Variants in TECR observed in about 807,000 individuals in gnomAD.
TECR encodes the protein trans-2,3-enoyl-CoA reductase.
In TECR, 19 loss-of-function variants were observed where a neutral mutation model predicts 50.6. The observed-to-expected ratio is 0.38, with a 90% confidence interval of 0.26 to 0.55. The LOEUF is 0.55. TECR is among the 20% of genes least tolerant of loss of function. TECR has a pLI of 0.79. For synonymous variants in TECR, 168 were observed against 163.5 expected (o/e 1.03, Z -0.21); for missense variants, 313 against 408.3 (o/e 0.77, Z 2.01).
At chr19:14,556,241 C>T (rs1325412021) in intron 1 of TECR, among the ~76,000 whole-genome samples, 3 of 152,094 alleles carry the variant, frequency 2.0e-5, no homozygotes, top group Non-Finnish European at 4.4e-5. Context: ...TTACTGTTCC[C>T]TCTGCCTGGA....
At chr19:14,533,098 C>A (rs151111730) in intron 1 of TECR, among the ~76,000 whole-genome samples, 1 of 140,472 alleles carries the variant, frequency 7.1e-6, no homozygotes, top group Non-Finnish European at 1.5e-5. Context: ...GGTGACAGAG[C>A]GAGACTCTGT....
upstream of TECR, chr19:14,529,593 C>G (rs898567454): frequency 6.4e-7 from 1 of 1,568,760 alleles, no homozygotes; most frequent in Non-Finnish European, 8.8e-7. Context: ...CGCAGAGCCG[C>G]GTTTAGTCTA....
intron 1 of TECR, chr19:14,532,646 G>A (rs2072717952): frequency 6.6e-6 from 1 of 152,030 alleles, no homozygotes; most frequent in Non-Finnish European, 1.5e-5. Flanking sequence ...CCATAGAGGC[G>A]ATAGCTACAG....
At chr19:14,539,585 C>G (rs2073025826) in intron 1 of TECR, among the ~76,000 whole-genome samples, 1 of 152,052 alleles carries the variant, frequency 6.6e-6, no homozygotes, top group African/African-American at 2.4e-5. Flanking sequence ...TCAGAACCTT[C>G]CCTCAGAGGC....
At chr19:14,564,386 C>A (rs1341675898) in intron 7 of TECR, 99 bp downstream of exon 7, 6 of 1,007,618 alleles carry the variant, frequency 6.0e-6, no homozygotes, top group Middle Eastern at 3.0e-4. Flanking sequence ...CTGTCTGCCA[C>A]TACGCCCCAG....
At chr19:14,550,311 C>T (rs986332736) in intron 1 of TECR, among the ~76,000 whole-genome samples, 1 of 152,086 alleles carries the variant, frequency 6.6e-6, no homozygotes, top group African/African-American at 2.4e-5. Flanking sequence ...GCTGCCGCCG[C>T]GTGTATAAAG....
rs776442941 is a variant in TECR, at chr19:14,565,673, C to T, written c.799+10C>T. 8.1e-5 allele frequency: 131 copies of T among 1,612,116 alleles called. No individual in the cohort carries two copies. The Admixed American group carries it at 2.0e-3, about 24-fold the overall frequency. ...ACGCAGTGTCTCCCAGGTGAGCCTG[C>T]CGCCCTCCCTCGGCGGGGCCCTGCC... is the stretch of plus-strand genomic sequence containing the variant. On this transcript the variant is annotated intron_variant, in intron 12 of 12. Coordinates refer to ENST00000215567, the MANE Select transcript of TECR (RefSeq NM_138501.6).
In TECR at chr19:14,564,911, CCTCCCCTCATGGG is replaced by C. The variant is rs754989271; in HGVS notation, c.563-29_563-17del. ...CCCCCACGGTCCCCACCCAGCGGGT[CCTCCCCTCATGGG>C]CTCCCCTCCCTGCTTCCTCTTCAGC... On this transcript the variant is annotated intron_variant, in intron 8 of 12. Transcript: ENST00000215567. The C allele has an allele frequency of 1.9e-6, 3 of 1,613,960 alleles. No individual in the cohort carries two copies. The African/African-American group carries it at 4.0e-5, about 22-fold the overall frequency.
chr19:14,562,675 C>CTGGA, intron 2 of TECR, 100 bp downstream of exon 2: 1 of 1,367,500 alleles, frequency 7.3e-7, no homozygotes, highest in Non-Finnish European at 1.0e-6. Flanking sequence ...TTGTGCCCCA[C>CTGGA]CCCCTGCCCT....
chr19:14,564,685 C>G (rs958710930), intron 7 of TECR, 101 bp from the exon 8 acceptor site: 18 of 1,215,732 alleles, frequency 1.5e-5, no homozygotes, highest in Non-Finnish European at 2.0e-5. Context: ...CCCCTCCTGT[C>G]CTTTCCCACC....
chr19:14,558,624 G>A lies in TECR; in HGVS notation c.16-3901G>A, dbSNP rs142364787. On this transcript the variant is annotated intron_variant, in intron 1 of 12. Transcript: ENST00000215567. ...GGCCAGAGTGCCTGCCTGTCTGCCC[G>A]TTCCTGCCCTCTCCCTGCCCGTCGT... Among the ~76,000 whole-genome samples the A allele has an allele frequency of 7.6e-3, 1,152 of 152,222 alleles. 47 individuals carry two copies. Among genetic ancestry groups the A allele is most frequent in the Admixed American group, 0.064 (978 of 15,290 alleles).
chr19:14,550,498 C>T (rs927983678), intron 1 of TECR, among the ~76,000 whole-genome samples: 1 of 152,116 alleles, frequency 6.6e-6, no homozygotes, highest in African/African-American at 2.4e-5. Flanking sequence ...CCTGGTCCGA[C>T]AGCGCCTTCC....
chr19:14,564,074 G>A lies in TECR; in HGVS notation c.360G>A (p.Thr120=), dbSNP rs1599501622. 2 of 1,612,860 alleles carry A rather than the reference G, an allele frequency of 1.2e-6. No individual in the cohort carries two copies. The highest frequency in any genetic ancestry group is 4.5e-5 in the East Asian group (2 of 44,888). Residue 120 remains threonine (T), a synonymous_variant, in exon 6 of 13, where the codon ACG becomes ACA. Transcript: ENST00000215567. The part of the protein sequence containing the change: ...PFIYGHKYDF[T]SSRHTVVHLA... Reference sequence around the variant, plus strand: ...TCTATGGCCACAAATATGACTTTACGTCCAGTCGGCATACAGTGGTGCAGT... The same window carrying A: ...TCTATGGCCACAAATATGACTTTACATCCAGTCGGCATACAGTGGTGCAGT...
At chr19:14,552,945 T>C (rs1049716208) in intron 1 of TECR, among the ~76,000 whole-genome samples, 1 of 152,006 alleles carries the variant, frequency 6.6e-6, no homozygotes, top group Admixed American at 6.6e-5. Context: ...ACGGGCGAGA[T>C]CAGCGTCGCT....
intron 1 of TECR, chr19:14,545,272 C>G: frequency 2.2e-6 from 1 of 452,232 alleles, no homozygotes; most frequent in East Asian, 7.0e-5. Context: ...CCGGGTGTCA[C>G]CCGCTTCCCC....
Position 14,563,940 on chromosome 19 carries a change from C to T in TECR, c.267+37C>T. On this transcript the variant is annotated intron_variant, in intron 5 of 12. Transcript: ENST00000215567. The surrounding 1 kb of genome is among the most constrained non-coding windows in gnomAD (Gnocchi z 5.3). The stretch of plus-strand genomic sequence containing the variant: ...CCCTACCCACGGCCTCTTTTCCCGT[C>T]AGCCACGTTGGGTGACTCATCTTGC... The T allele has an allele frequency of 6.2e-7, 1 of 1,613,964 alleles. No homozygotes were observed. The highest frequency in any genetic ancestry group is 8.5e-7 in the Non-Finnish European group (1 of 1,179,850).
intron 1 of TECR, among the ~76,000 whole-genome samples, chr19:14,551,948 T>TCTCTCTCTCCCTCCCTCC (rs2073531757): frequency 4.3e-5 from 1 of 23,244 alleles, no homozygotes; most frequent in Non-Finnish European, 8.2e-5. Context: ...CCTCCCTCCC[T>TCTCTCTCTCCCTCCCTCC]CTCTCTCTCT....
Position 14,562,521 on chromosome 19 carries a change from C to T in TECR, c.16-4C>T, listed in dbSNP as rs534459307. The T allele has an allele frequency of 7.4e-6, 12 of 1,614,226 alleles. No individual in the cohort carries two copies. Among genetic ancestry groups the T allele is most frequent in the South Asian group, 2.2e-5 (2 of 91,086 alleles). On this transcript the variant is annotated splice_region_variant and splice_polypyrimidine_tract_variant and intron_variant, in intron 1 of 12. Transcript: ENST00000215567. Reference sequence around the variant, plus strand: ...AACCTAAAAAGGCTGTTCTCTTCTTCGAGGTGGAGATTCTGGACGCAAAGA... The same window carrying T: ...AACCTAAAAAGGCTGTTCTCTTCTTTGAGGTGGAGATTCTGGACGCAAAGA...
chr19:14,532,681 G>A (rs1175761661), intron 1 of TECR, among the ~76,000 whole-genome samples: 1 of 152,136 alleles, frequency 6.6e-6, no homozygotes, highest in Non-Finnish European at 1.5e-5. Context: ...AGAAGCAGTT[G>A]TTTCCCGGCC....
Sources: allele counts gnomAD v4.1 joint callset (sites outside exome capture counted in the v4.1 genomes callset), GRCh38; gene constraint gnomAD v4.1.1; non-coding constraint Gnocchi (gnomAD v3.1); transcripts MANE v1.5; gene names NCBI Gene and HGNC (gene_info 2026-07-23, HGNC 2026-07-21).